The following ARL15 variants were observed in gnomAD, a reference collection of about 807,000 sequenced individuals.
The protein encoded by ARL15 is ARF like GTPase 15, also known as ADP-ribosylation factor-like protein 15.
In ARL15, 19 loss-of-function variants were observed where a neutral mutation model predicts 25.2. The observed-to-expected ratio is 0.75, with a 90% CI of 0.53 to 1.10. The LOEUF is 1.10. Ranked by LOEUF, ARL15 falls within the 50% of genes least tolerant of loss-of-function variation. The pLI is 0.00. For synonymous variants in ARL15, 94 were observed against 86.8 expected (o/e 1.08, Z -0.46); for missense variants, 220 against 246.0 (o/e 0.89, Z 0.71).
At chr5:54,130,375 G>A (rs1753394250) in intron 3 of ARL15, among the ~76,000 whole-genome samples, 1 of 152,198 alleles carries the variant, frequency 6.6e-6, no homozygotes, top group Non-Finnish European at 1.5e-5. Context: ...AACACCCAGT[G>A]ACGATGTGGC....
At chr5:54,304,449 C>T (rs1758702551) in intron 1 of ARL15, among the ~76,000 whole-genome samples, 1 of 152,202 alleles carries the variant, frequency 6.6e-6, no homozygotes, top group South Asian at 2.1e-4. Context: ...GCCCACATGC[C>T]AACAAGCATG....
At chr5:54,169,120 A>T (rs903768314) in intron 2 of ARL15, among the ~76,000 whole-genome samples, 1 of 152,196 alleles carries the variant, frequency 6.6e-6, no homozygotes, top group Non-Finnish European at 1.5e-5. Flanking sequence ...TTATTAAAAA[A>T]TTTCATAAAA....
intron 4 of ARL15, among the ~76,000 whole-genome samples, chr5:53,973,715 C>T (rs985850595): frequency 2.0e-5 from 3 of 151,756 alleles, no homozygotes; most frequent in Non-Finnish European, 1.5e-5. Context: ...CTCCAGCCTG[C>T]ATGGTAGAGA....
At chr5:53,986,770 A>G (rs976906249) in intron 4 of ARL15, among the ~76,000 whole-genome samples, 5 of 152,334 alleles carry the variant, frequency 3.3e-5, no homozygotes, top group Non-Finnish European at 7.3e-5. Context: ...TATGTATCAC[A>G]TTCTGTACTG....
At chr5:54,021,093 T>G (rs1301083578) in intron 4 of ARL15, among the ~76,000 whole-genome samples, 1 of 152,204 alleles carries the variant, frequency 6.6e-6, no homozygotes, top group Non-Finnish European at 1.5e-5. Flanking sequence ...CCCAGCACTT[T>G]GGAAGGCCGA....
intron 4 of ARL15, among the ~76,000 whole-genome samples, chr5:54,103,244 C>T (rs765777959): frequency 3.3e-5 from 5 of 152,002 alleles, no homozygotes; most frequent in Non-Finnish European, 5.9e-5. Flanking sequence ...TACCACTTCA[C>T]TATTAGATAC....
chr5:54,114,064 A>G (rs1008880034), intron 3 of ARL15, among the ~76,000 whole-genome samples: 1 of 152,006 alleles, frequency 6.6e-6, no homozygotes, highest in Non-Finnish European at 1.5e-5. Flanking sequence ...TCTCAATGAG[A>G]TAAGATGTTT....
At chr5:54,007,605 G>A (rs1008379381) in intron 4 of ARL15, among the ~76,000 whole-genome samples, 20 of 152,218 alleles carry the variant, frequency 1.3e-4, no homozygotes, top group East Asian at 5.8e-4. Flanking sequence ...TCAGGAGTTC[G>A]AGACCAGCCT....
intron 1 of ARL15, among the ~76,000 whole-genome samples, chr5:54,241,117 A>G (rs1756945703): frequency 6.6e-6 from 1 of 152,180 alleles, no homozygotes; most frequent in South Asian, 2.1e-4. Flanking sequence ...ACTTAATCAA[A>G]GTCCCAATTC....
At chr5:54,011,698 C>T (rs1749247129) in intron 4 of ARL15, among the ~76,000 whole-genome samples, 1 of 152,020 alleles carries the variant, frequency 6.6e-6, no homozygotes, top group South Asian at 2.1e-4. Context: ...GGAGGAAATG[C>T]TGGAAAACTA....
chr5:54,230,609 A>G (rs573397025), intron 1 of ARL15, among the ~76,000 whole-genome samples: 50 of 152,212 alleles, frequency 3.3e-4, no homozygotes, highest in Non-Finnish European at 6.5e-4. Context: ...TCACTTTCCC[A>G]GCCAGCTGGA....
At chr5:53,961,960 A>G (rs1747387109) in intron 4 of ARL15, among the ~76,000 whole-genome samples, 1 of 152,154 alleles carries the variant, frequency 6.6e-6, no homozygotes, top group African/African-American at 2.4e-5. Flanking sequence ...GATGTAATGT[A>G]ATTAATTCAA....
intron 3 of ARL15, among the ~76,000 whole-genome samples, chr5:54,139,460 C>T (rs960522039): frequency 1.3e-5 from 2 of 152,096 alleles, no homozygotes; most frequent in Non-Finnish European, 2.9e-5. Flanking sequence ...GGGAACTAAG[C>T]TATGGGTACG....
intron 1 of ARL15, among the ~76,000 whole-genome samples, chr5:54,223,257 TA>T (rs1181792246): frequency 1.3e-5 from 2 of 151,988 alleles, no homozygotes; most frequent in Non-Finnish European, 2.9e-5. Context: ...TTACATCATG[TA>T]AAAAAATTAT....
chr5:54,265,492 C>T (rs73757021), intron 1 of ARL15, among the ~76,000 whole-genome samples: 23 of 152,236 alleles, frequency 1.5e-4, no homozygotes, highest in African/African-American at 7.2e-5. Context: ...AAGGTTCAGC[C>T]GATGGTAACA....
At chr5:53,936,554 AC>A (rs1746353090) in intron 4 of ARL15, among the ~76,000 whole-genome samples, 2 of 152,294 alleles carry the variant, frequency 1.3e-5, no homozygotes, top group African/African-American at 4.8e-5. Context: ...TATTGAGCAA[AC>A]TTTTGCATCA....
chr5:54,133,768 G>A (rs1343319242), intron 3 of ARL15, among the ~76,000 whole-genome samples: 4 of 152,096 alleles, frequency 2.6e-5, no homozygotes. Context: ...CTAACAATTG[G>A]AAGAAGATGA....
rs550685798 is a variant in ARL15, at chr5:54,078,404, G to A, written c.462+34798C>T. 5.9e-5 allele frequency among the ~76,000 whole-genome samples: 9 copies of A among 152,208 alleles called. No homozygotes were observed. The South Asian group carries it at 1.9e-3, about 32-fold the overall frequency. Reference sequence around the variant, plus strand: ...CACCATATGAGTGAAGAAACAACACGAACGACCACACACAAAACCTTCAAG... The same window carrying A: ...CACCATATGAGTGAAGAAACAACACAAACGACCACACACAAAACCTTCAAG... On this transcript the variant is annotated intron_variant, in intron 4 of 4. Coordinates refer to ENST00000504924, the MANE Select transcript of ARL15 (RefSeq NM_019087.3).
chr5:54,272,717 T>G (rs1757820613), intron 1 of ARL15, among the ~76,000 whole-genome samples: 1 of 152,228 alleles, frequency 6.6e-6, no homozygotes, highest in Non-Finnish European at 1.5e-5. Flanking sequence ...CACTCCCTCT[T>G]CTGTGGTGCC....
Sources: allele counts gnomAD v4.1 joint callset (sites outside exome capture counted in the v4.1 genomes callset), GRCh38; gene constraint gnomAD v4.1.1; transcripts MANE v1.5; gene names NCBI Gene and HGNC (gene_info 2026-07-23, HGNC 2026-07-21).